The following KCNIP4 variants were observed in gnomAD, a reference collection of about 807,000 sequenced individuals.
The protein encoded by KCNIP4 is Kv channel-interacting protein 4.
Under a neutral mutation model 34.0 loss-of-function variants are expected in KCNIP4, and 12 were observed. That is an observed-to-expected ratio of 0.35 (90% CI 0.23 to 0.57). The LOEUF (loss-of-function observed/expected upper bound fraction) is 0.57. KCNIP4 is among the 20% of genes least tolerant of loss of function. The pLI is 0.83. For missense variants in KCNIP4, 238 were observed against 311.7 expected (o/e 0.76, Z 1.78); for synonymous variants, 124 against 102.2 (o/e 1.21, Z -1.29).
intron 1 of KCNIP4, among the ~76,000 whole-genome samples, chr4:21,694,958 T>G (rs1712143695): frequency 7.2e-6 from 1 of 137,936 alleles, no homozygotes; most frequent in African/African-American, 2.8e-5. Flanking sequence ...ATAAAGGGCT[T>G]TTTGGTAAAA....
chr4:21,333,849 C>T (rs1715895848), intron 1 of KCNIP4, among the ~76,000 whole-genome samples: 1 of 152,100 alleles, frequency 6.6e-6, no homozygotes, highest in Non-Finnish European at 1.5e-5. Context: ...GGATCATGGC[C>T]AGTGGCCAAA....
intron 1 of KCNIP4, among the ~76,000 whole-genome samples, chr4:21,444,720 C>T (rs140461469): frequency 0.12 from 17,797 of 152,134 alleles, 1,145 homozygotes; most frequent in East Asian, 0.18. Context: ...TGGCACAAGA[C>T]AGGGATGCCC....
At chr4:21,788,684 A>C (rs1201365086) in intron 1 of KCNIP4, among the ~76,000 whole-genome samples, 2 of 152,196 alleles carry the variant, frequency 1.3e-5, no homozygotes, top group African/African-American at 4.8e-5. Context: ...AATAACTATA[A>C]AAATAGTTAC....
chr4:21,182,036 T>C (rs1036988852), intron 1 of KCNIP4, among the ~76,000 whole-genome samples: 1 of 152,140 alleles, frequency 6.6e-6, no homozygotes, highest in Non-Finnish European at 1.5e-5. Context: ...GATATAATTA[T>C]GACTATAGCT....
Position 21,666,520 on chromosome 4 carries a change from C to T in KCNIP4, c.61+282051G>A, listed in dbSNP as rs1245474777. On this transcript the variant is annotated intron_variant, in intron 1 of 8. Transcript: ENST00000382152. ...CACACGTATTTATATTTTCTCTGGC[C>T]CTTCTATTTGCTTAATATATGAAGG... Among the ~76,000 whole-genome samples the T allele has an allele frequency of 2.6e-5, 4 of 152,082 alleles. No individual in the cohort carries two copies. In the East Asian group the frequency reaches 5.8e-4, roughly 22 times the overall value.
chr4:21,256,476 G>C (rs970355487), intron 1 of KCNIP4, among the ~76,000 whole-genome samples: 3 of 151,518 alleles, frequency 2.0e-5, no homozygotes, highest in Non-Finnish European at 2.9e-5. Context: ...GTGCACACCT[G>C]TAGTTCCAGC....
chr4:21,142,689 G>A lies in KCNIP4; in HGVS notation c.62-259980C>T, dbSNP rs114475837. ...CCTGCCAGCATCTCTTCACCTTGTC[G>A]TGCTTTCAGAGCAGGAACTGACGCA... On this transcript the variant is annotated intron_variant, in intron 1 of 8. Transcript: ENST00000382152. Among the ~76,000 whole-genome samples, 339 of 152,212 alleles carry A rather than the reference G, an allele frequency of 2.2e-3. 3 individuals carry two copies. Among genetic ancestry groups the A allele is most frequent in the Non-Finnish European group, 3.3e-3 (223 of 68,022 alleles).
chr4:21,295,715 G>C (rs1450658174), intron 1 of KCNIP4, among the ~76,000 whole-genome samples: 1 of 152,076 alleles, frequency 6.6e-6, no homozygotes, highest in African/African-American at 2.4e-5. Flanking sequence ...ACAACCCTTT[G>C]ATAAATAACA....
At chr4:21,714,785 G>GATCATTTTATTT (rs1553923853) in intron 1 of KCNIP4, among the ~76,000 whole-genome samples, 1 of 43,372 alleles carries the variant, frequency 2.3e-5, no homozygotes, top group East Asian at 1.1e-3. Context: ...ATTTCCCTTT[G>GATCATTTTATTT]ATTATTTTAT....
intron 1 of KCNIP4, among the ~76,000 whole-genome samples, chr4:21,145,543 G>A (rs1313158037): frequency 6.6e-6 from 1 of 152,200 alleles, no homozygotes; most frequent in East Asian, 1.9e-4. Flanking sequence ...TGTCTCCAAA[G>A]GTTAAAGCTT....
intron 1 of KCNIP4, among the ~76,000 whole-genome samples, chr4:21,051,977 G>A (rs887355886): frequency 1.3e-5 from 2 of 152,122 alleles, no homozygotes; most frequent in African/African-American, 4.8e-5. Context: ...AGAATTGCTG[G>A]GAGTTCAGGT....
intron 1 of KCNIP4, among the ~76,000 whole-genome samples, chr4:21,331,523 C>T: frequency 6.6e-6 from 1 of 152,066 alleles, no homozygotes; most frequent in East Asian, 1.9e-4. Flanking sequence ...AGCTGGGGCC[C>T]AGTAAATTGT....
At chr4:21,832,079 G>T (rs1436457043) in intron 1 of KCNIP4, among the ~76,000 whole-genome samples, 1 of 152,038 alleles carries the variant, frequency 6.6e-6, no homozygotes, top group East Asian at 1.9e-4. Flanking sequence ...TGCAACAATG[G>T]CTCAACATAC....
intron 1 of KCNIP4, among the ~76,000 whole-genome samples, chr4:21,901,764 T>G (rs531025886): frequency 1.3e-5 from 2 of 152,134 alleles, no homozygotes; most frequent in African/African-American, 4.8e-5. Flanking sequence ...CCACAAACTT[T>G]GTTTTCATAC....
At chr4:21,875,255 A>G (rs1230343953) in intron 1 of KCNIP4, among the ~76,000 whole-genome samples, 2 of 152,180 alleles carry the variant, frequency 1.3e-5, no homozygotes, top group Admixed American at 1.3e-4. Context: ...ATCACTCATA[A>G]TGGACACCAT....
chr4:21,408,535 A>G (rs182508474), intron 1 of KCNIP4, among the ~76,000 whole-genome samples: 13 of 152,280 alleles, frequency 8.5e-5, no homozygotes, highest in Admixed American at 6.5e-4. Context: ...GTTTGAGGAG[A>G]GAGGTTTCAG....
chr4:21,537,689 A>G (rs1023602993), intron 1 of KCNIP4, among the ~76,000 whole-genome samples: 1 of 152,086 alleles, frequency 6.6e-6, no homozygotes, highest in African/African-American at 2.4e-5. Context: ...CCTGAACCCA[A>G]TCTGACTTGT....
intron 3 of KCNIP4, among the ~76,000 whole-genome samples, chr4:20,785,136 C>G (rs1002375401): frequency 2.0e-5 from 3 of 152,054 alleles, no homozygotes; most frequent in African/African-American, 7.2e-5. Flanking sequence ...AGCCAAGCAT[C>G]CCACATCAAG....
Position 20,919,563 on chromosome 4 carries a change from C to T in KCNIP4, c.62-36854G>A, listed in dbSNP as rs548791317. 2.0e-3 allele frequency among the ~76,000 whole-genome samples: 300 copies of T among 151,856 alleles called. 1 individual carries two copies. The highest frequency in any genetic ancestry group is 7.0e-3 in the African/African-American group (289 of 41,418). ...CTAAAAATACAAAAAATTAGCTGGGCGTGGTGGCGGGCACCTGTAGTCCCA... is the reference window on the plus strand; with the variant it reads ...CTAAAAATACAAAAAATTAGCTGGGTGTGGTGGCGGGCACCTGTAGTCCCA... On this transcript the variant is annotated intron_variant, in intron 1 of 8. Transcript: ENST00000382152.
Sources: gnomAD v4.1 joint callset for allele counts (sites outside exome capture counted in the v4.1 genomes callset) on GRCh38, gnomAD v4.1.1 for gene constraint, MANE v1.5 for transcripts, NCBI Gene and HGNC (gene_info 2026-07-23, HGNC 2026-07-21) for gene names.